The following FIS1 variants were observed in gnomAD, a reference collection of about 807,000 sequenced individuals.
FIS1 encodes the protein mitochondrial fission 1 protein.
A neutral mutation model predicts 21.6 loss-of-function variants in FIS1; 16 were observed. That is an observed-to-expected ratio of 0.74 (90% CI 0.50 to 1.12). FIS1 has a LOEUF of 1.12. Among genes scored for constraint, FIS1 ranks in the 50% most tolerant of loss-of-function variants. The pLI is 0.00. For synonymous variants in FIS1, 92 were observed against 82.2 expected, an observed-to-expected ratio of 1.12 and a Z score of -0.65; for missense variants, 198 against 190.9, an observed-to-expected ratio of 1.04 and a Z score of -0.22.
chr7:101,240,999 C>T (rs1798740354), intron 2 of FIS1, 93 bp from the exon 3 acceptor site: 2 of 1,236,954 alleles, frequency 1.6e-6, no homozygotes, highest in African/African-American at 3.0e-5. Flanking sequence ...CTCTGAATGC[C>T]TCTGTGATCC....
At position 101,239,748 on chromosome 7, in the gene FIS1, G is replaced by T. The variant is rs1798709222; in HGVS notation, c.*58C>A. On this transcript the variant is annotated 3_prime_UTR_variant, in exon 5 of 5. Coordinates refer to ENST00000223136, the MANE Select transcript of FIS1 (RefSeq NM_016068.3). ...GGGGGGCAGGGGGAGAACAGGGAAA[G>T]GACAGCGAGGATGGACAGGCCCTCC... 7.1e-7 allele frequency: 1 copy of T among 1,411,602 alleles called. No individual in the cohort carries two copies. Among genetic ancestry groups the T allele is most frequent in the Non-Finnish European group, 9.8e-7 (1 of 1,018,052 alleles). The allele number at this position is 1,411,602 out of a possible 1,614,324, so 87.4% of individuals were successfully genotyped here. A position where few individuals can be genotyped will look rare whatever the true frequency, so the allele number is the denominator to read the frequency against.
rs774243106 is a variant in FIS1, at chr7:101,240,241, C to T, written c.262G>A (p.Glu88Lys). 27 of 1,614,078 alleles carry T rather than the reference C, an allele frequency of 1.7e-5. 1 individual carries two copies. The South Asian group carries it at 2.5e-4, about 15-fold the overall frequency. Residue 88 changes from glutamate (E) to lysine (K), a missense_variant, in exon 4 of 5, where the codon GAG becomes AAG. Transcript: ENST00000223136. ...AVGNYRLKEYEKALKYVRGLL... is the reference protein window; with the variant it reads ...AVGNYRLKEYKKALKYVRGLL... The stretch of plus-strand genomic sequence containing the variant: ...CCGCGGACGTACTTTAAGGCCTTCT[C>T]GTATTCCTGCGCTCGGGGAAACGCG...
At chr7:101,242,164 C>T (rs1798758979) in intron 2 of FIS1, among the ~76,000 whole-genome samples, 2 of 152,188 alleles carry the variant, frequency 1.3e-5, no homozygotes. Flanking sequence ...GACTTCAAGC[C>T]ATCCTCTGGC....
Position 101,240,125 on chromosome 7 carries a change from G to A in FIS1, c.361+17C>T, listed in dbSNP as rs1350314953. The A allele has an allele frequency of 6.2e-7, 1 of 1,613,368 alleles. No individual in the cohort carries two copies. The highest frequency in any genetic ancestry group is 8.5e-7 in the Non-Finnish European group (1 of 1,179,336). On this transcript the variant is annotated intron_variant, in intron 4 of 4. Transcript: ENST00000223136. Reference sequence around the variant, plus strand: ...GTGGGGAAGAGCGGGGCTGAACAAAGGGGCCGAGGCTGTCACCTTTCTTCA... The same window carrying A: ...GTGGGGAAGAGCGGGGCTGAACAAAAGGGCCGAGGCTGTCACCTTTCTTCA...
intron 2 of FIS1, chr7:101,241,637 C>CTTTTTT (rs543633716): frequency 8.6e-6 from 1 of 116,664 alleles, no homozygotes; most frequent in African/African-American, 3.6e-5. Context: ...GTCTTCCTTC[C>CTTTTTT]TTTTTTTTTT....
chr7:101,244,886 T>C (rs756763016), intron 1 of FIS1, 74 bp downstream of exon 1: 27 of 1,577,610 alleles, frequency 1.7e-5, no homozygotes, highest in Non-Finnish European at 2.2e-5. Flanking sequence ...GGGAGGAGGG[T>C]TCGGCCCCTA....
chr7:101,241,636 CCTTT>C (rs1191664784), intron 2 of FIS1: 8 of 140,140 alleles, frequency 5.7e-5, no homozygotes, highest in African/African-American at 1.9e-4. Context: ...TGTCTTCCTT[CCTTT>C]TTTTTTTTTT....
At chr7:101,242,707 T>C (rs1798765700) in intron 2 of FIS1, among the ~76,000 whole-genome samples, 1 of 151,982 alleles carries the variant, frequency 6.6e-6, no homozygotes, top group Non-Finnish European at 1.5e-5. Flanking sequence ...TAGGCTGGTC[T>C]CGAACCCCTG....
At chr7:101,240,685 C>A (rs1157461293) in intron 3 of FIS1, 145 bp downstream of exon 3, 24 of 761,142 alleles carry the variant, frequency 3.2e-5, no homozygotes, top group Non-Finnish European at 4.7e-5. Flanking sequence ...CCACTCTGAT[C>A]TTCCCTCGGA....
intron 3 of FIS1, 91 bp downstream of exon 3, chr7:101,240,739 T>G: frequency 7.8e-7 from 1 of 1,283,628 alleles, no homozygotes; most frequent in Non-Finnish European, 1.1e-6. Context: ...CCCTTCAGCC[T>G]TCCCGCTGTC....
intron 1 of FIS1, 21 bp downstream of exon 1, chr7:101,244,937 CCT>C: frequency 9.9e-6 from 16 of 1,614,008 alleles, no homozygotes; most frequent in Non-Finnish European, 1.4e-5. Flanking sequence ...CTTCCCTTTC[CCT>C]CTGTCCGGGC....
chr7:101,240,078 A>C, intron 4 of FIS1, 64 bp downstream of exon 4: 1 of 1,569,866 alleles, frequency 6.4e-7, no homozygotes, highest in Non-Finnish European at 8.8e-7. Flanking sequence ...GTTCATTTAC[A>C]GAGAGACCAA....
intron 2 of FIS1, among the ~76,000 whole-genome samples, chr7:101,242,425 C>T (rs1035637517): frequency 1.3e-5 from 2 of 151,756 alleles, no homozygotes; most frequent in East Asian, 1.9e-4. Flanking sequence ...TCTGAATTGC[C>T]GAAGTAGACA....
At chr7:101,241,208 T>G (rs1468349963) in intron 2 of FIS1, 2 of 359,600 alleles carry the variant, frequency 5.6e-6, no homozygotes, top group Non-Finnish European at 1.0e-5. Flanking sequence ...GCAGCGTGAC[T>G]CAGTTTTGGC....
intron 2 of FIS1, 198 bp from the exon 3 acceptor site, chr7:101,241,104 A>C (rs1798741217): frequency 1.7e-6 from 1 of 602,332 alleles, no homozygotes; most frequent in Admixed American, 2.9e-5. Flanking sequence ...AGCTGTGCCA[A>C]CACCCCAGTG....
intron 1 of FIS1, chr7:101,244,630 C>A: frequency 2.1e-6 from 1 of 471,498 alleles, no homozygotes; most frequent in Non-Finnish European, 3.9e-6. Flanking sequence ...ATAGGTGACA[C>A]CTTATGATGG....
chr7:101,239,846 G>A lies in FIS1; in HGVS notation c.419C>T (p.Ala140Val). The A allele has an allele frequency of 1.3e-6, 2 of 1,594,472 alleles. No homozygotes were observed. The highest frequency in any genetic ancestry group is 1.1e-5 in the South Asian group (1 of 88,436). ...GGMALGVAGL[A>V]GLIGLAVSKS... The stretch of plus-strand genomic sequence containing the variant: ...GGACACAGCAAGTCCGATGAGTCCG[G>A]CCAGTCCCGCCACACCCAGGGCCAT... The change falls in exon 5 of 5, where the codon GCC becomes GTC. Residue 140 changes from alanine to valine, a missense_variant. By Grantham distance (64) the Ala-to-Val change is moderately conservative. Transcript: ENST00000223136.
At chr7:101,239,935 C>T (rs761683609) in intron 4 of FIS1, 32 bp from the exon 5 acceptor site, 19 of 1,552,506 alleles carry the variant, frequency 1.2e-5, no homozygotes, top group East Asian at 2.4e-5. Flanking sequence ...GTCAGGAGCC[C>T]GGCCCCTGCG....
intron 3 of FIS1, 97 bp from the exon 4 acceptor site, chr7:101,240,344 G>A (rs1286949825): frequency 4.0e-6 from 5 of 1,259,964 alleles, no homozygotes; most frequent in Non-Finnish European, 4.6e-6. Context: ...TGTTGCCCAC[G>A]CTGGACGGCA....
Sources: allele counts gnomAD v4.1 joint callset (sites outside exome capture counted in the v4.1 genomes callset), GRCh38; gene constraint gnomAD v4.1.1; transcripts MANE v1.5; gene names NCBI Gene and HGNC (gene_info 2026-07-23, HGNC 2026-07-21).